The following RALYL variants were observed in gnomAD, a reference collection of about 807,000 sequenced individuals.
RALYL encodes the protein RNA-binding Raly-like protein.
RALYL carries 29 observed loss-of-function variants against 35.1 expected under a neutral mutation model. That is an observed-to-expected ratio of 0.83 (90% CI 0.61 to 1.13). RALYL has a LOEUF of 1.13. Among genes scored for constraint, RALYL ranks in the 50% most tolerant of loss-of-function variants. The pLI is 0.00. For missense variants in RALYL, 359 were observed against 360.4 expected (o/e 1.00, Z 0.03); for synonymous variants, 120 against 127.6 (o/e 0.94, Z 0.40).
rs1021149821 is a variant in RALYL, at chr8:84,754,787, G to A, written c.257-19792G>A. ...TGATTACTGATAGATGCCACCATGC[G>A]GTAGGTCTTGTGGGGAGGTAGATGG... On this transcript the variant is annotated intron_variant, in intron 2 of 8. Transcript: ENST00000521268. Among the ~76,000 whole-genome samples the A allele has an allele frequency of 3.3e-5, 5 of 152,234 alleles. No individual in the cohort carries two copies. In the South Asian group the frequency reaches 6.2e-4, roughly 19 times the overall value.
chr8:84,491,506 T>C (rs1724582462), intron 1 of RALYL, among the ~76,000 whole-genome samples: 1 of 152,026 alleles, frequency 6.6e-6, no homozygotes, highest in African/African-American at 2.4e-5. Context: ...TTCCAACTCC[T>C]TTTAATTCCT....
chr8:84,625,455 C>T (rs1013621864), intron 2 of RALYL, among the ~76,000 whole-genome samples: 10 of 152,082 alleles, frequency 6.6e-5, no homozygotes, highest in African/African-American at 2.2e-4. Flanking sequence ...CTGTGAAGCA[C>T]CAAACATTAT....
At chr8:84,269,871 C>A (rs73688471) in intron 1 of RALYL, among the ~76,000 whole-genome samples, 3,768 of 151,894 alleles carry the variant, frequency 0.025, 168 homozygotes, top group African/African-American at 0.086. Flanking sequence ...AGTTGAAACT[C>A]ATTATTTGAT....
At chr8:84,469,120 C>T (rs574377762) in intron 1 of RALYL, among the ~76,000 whole-genome samples, 33 of 152,206 alleles carry the variant, frequency 2.2e-4, no homozygotes, top group African/African-American at 6.5e-4. Context: ...GTAATTTGAT[C>T]GTCTGAAGCC....
intron 2 of RALYL, among the ~76,000 whole-genome samples, chr8:84,760,473 CA>C (rs567475236): frequency 2.1e-4 from 32 of 151,996 alleles, no homozygotes; most frequent in African/African-American, 7.2e-4. Flanking sequence ...AACAGAAATA[CA>C]AAAATTTTTG....
intron 2 of RALYL, among the ~76,000 whole-genome samples, chr8:84,762,631 C>G (rs554082510): frequency 5.1e-4 from 77 of 152,154 alleles, no homozygotes; most frequent in Non-Finnish European, 9.6e-4. Context: ...TTTGGAGTGA[C>G]AGCTGAACTC....
At chr8:84,781,282 T>G (rs938011670) in intron 3 of RALYL, among the ~76,000 whole-genome samples, 1 of 152,246 alleles carries the variant, frequency 6.6e-6, no homozygotes, top group African/African-American at 2.4e-5. Flanking sequence ...AAAGATTATT[T>G]TACTTATAGT....
chr8:84,303,300 C>T (rs183467157), intron 1 of RALYL, among the ~76,000 whole-genome samples: 1 of 152,142 alleles, frequency 6.6e-6, no homozygotes. Flanking sequence ...CTGTTATTTA[C>T]CTTGTTTAAA....
intron 2 of RALYL, among the ~76,000 whole-genome samples, chr8:84,573,808 CA>C (rs1316134439): frequency 3.9e-5 from 6 of 151,926 alleles, no homozygotes; most frequent in Non-Finnish European, 8.8e-5. Flanking sequence ...ATCCCATCCA[CA>C]GAATTCTTCA....
At chr8:84,546,650 T>C (rs1213541436) in intron 2 of RALYL, among the ~76,000 whole-genome samples, 1 of 152,218 alleles carries the variant, frequency 6.6e-6, no homozygotes, top group African/African-American at 2.4e-5. Context: ...ATAAGTGAGT[T>C]GATTAGTTGT....
intron 1 of RALYL, among the ~76,000 whole-genome samples, chr8:84,362,801 T>C (rs184970415): frequency 1.8e-4 from 27 of 152,236 alleles, no homozygotes; most frequent in Non-Finnish European, 1.0e-4. Context: ...CCTTGGCTAG[T>C]CCCACAGGAT....
chr8:84,424,593 G>C (rs1372599751), intron 1 of RALYL, among the ~76,000 whole-genome samples: 1 of 151,462 alleles, frequency 6.6e-6, no homozygotes, highest in Non-Finnish European at 1.5e-5. Flanking sequence ...TTGCTGGTGA[G>C]GAACTGCGTT....
intron 1 of RALYL, among the ~76,000 whole-genome samples, chr8:84,326,862 C>A (rs967142998): frequency 4.6e-5 from 7 of 152,096 alleles, no homozygotes; most frequent in South Asian, 2.1e-4. Flanking sequence ...CAAAACTTAT[C>A]AGCAAATCAG....
intron 2 of RALYL, among the ~76,000 whole-genome samples, chr8:84,770,940 C>T (rs114186306): frequency 0.033 from 5,036 of 151,952 alleles, 276 homozygotes; most frequent in African/African-American, 0.12. Flanking sequence ...TGTAGATTCT[C>T]GATTTTAGTC....
chr8:84,278,234 G>T (rs1835804617), intron 1 of RALYL, among the ~76,000 whole-genome samples: 1 of 152,254 alleles, frequency 6.6e-6, no homozygotes, highest in Admixed American at 6.5e-5. Flanking sequence ...CTTGGGGCTT[G>T]CACCCTCTGA....
intron 7 of RALYL, among the ~76,000 whole-genome samples, chr8:84,877,008 C>T (rs1841277311): frequency 6.6e-6 from 1 of 152,116 alleles, no homozygotes; most frequent in Non-Finnish European, 1.5e-5. Context: ...CTTTATCCAG[C>T]CAGTTCATGT....
At chr8:84,327,128 G>C (rs191256103) in intron 1 of RALYL, among the ~76,000 whole-genome samples, 1 of 152,032 alleles carries the variant, frequency 6.6e-6, no homozygotes, top group East Asian at 1.9e-4. Context: ...GTGAAAGGGG[G>C]TGGTAGAGCC....
At chr8:84,454,829 G>A (rs545849124) in intron 1 of RALYL, among the ~76,000 whole-genome samples, 4 of 152,120 alleles carry the variant, frequency 2.6e-5, no homozygotes, top group Non-Finnish European at 4.4e-5. Context: ...CACAGTGCAA[G>A]GCATGTGGGA....
Position 84,539,310 on chromosome 8 carries a change from G to A in RALYL, c.256+9733G>A, listed in dbSNP as rs562570952. On this transcript the variant is annotated intron_variant, in intron 2 of 8. Transcript: ENST00000521268. ...AAAAACATTTCCTGGGACATACAAA[G>A]TGATGTAAAAACCTAAAAGAAGGCA... Among the ~76,000 whole-genome samples the A allele has an allele frequency of 6.6e-5, 10 of 152,234 alleles. No individual in the cohort carries two copies. The South Asian group carries it at 2.1e-3, about 32-fold the overall frequency.
Sources: gnomAD v4.1 joint callset for allele counts (sites outside exome capture counted in the v4.1 genomes callset) on GRCh38, gnomAD v4.1.1 for gene constraint, MANE v1.5 for transcripts, NCBI Gene and HGNC (gene_info 2026-07-23, HGNC 2026-07-21) for gene names.